The following LUC7L2 variants were observed in gnomAD, a reference collection of about 807,000 sequenced individuals.
LUC7L2 encodes LUC7 like 2, pre-mRNA splicing factor, also known as putative RNA-binding protein Luc7-like 2.
Under a neutral mutation model 52.8 loss-of-function variants are expected in LUC7L2, and 25 were observed. That is an observed-to-expected ratio of 0.47 (90% confidence interval 0.34 to 0.66). LUC7L2 has a LOEUF of 0.66. Ranked by LOEUF, LUC7L2 falls within the 30% of genes least tolerant of loss-of-function variation. The probability of loss-of-function intolerance (pLI) is 0.01; values close to 1 mark genes in which losing one functional copy is unlikely to be tolerated. For synonymous variants in LUC7L2, 144 were observed against 160.9 expected, an observed-to-expected ratio of 0.89 and a Z score of 0.80; for missense variants, 328 against 497.8, an observed-to-expected ratio of 0.66 and a Z score of 3.25.
At chr7:139,416,040 AATATATATATAT>A (rs66498771) in intron 8 of LUC7L2, 1,512 of 97,652 alleles carry the variant, frequency 0.015, 33 homozygotes, top group Non-Finnish European at 0.026. Context: ...TGAGGTATAA[AATATATATATAT>A]ATATATATAT....
At chr7:139,372,705 C>T (rs528050510) in intron 1 of LUC7L2, among the ~76,000 whole-genome samples, 8 of 152,016 alleles carry the variant, frequency 5.3e-5, no homozygotes, top group Admixed American at 3.3e-4. Context: ...GTTGGGAGGC[C>T]GAGGTGGGAG....
chr7:139,406,728 T>G (rs544270798), intron 5 of LUC7L2, among the ~76,000 whole-genome samples: 1 of 152,304 alleles, frequency 6.6e-6, no homozygotes, highest in Admixed American at 6.5e-5. Flanking sequence ...TAAGTTGTAT[T>G]TATTGATATA....
intron 2 of LUC7L2, among the ~76,000 whole-genome samples, chr7:139,385,468 C>A (rs186921173): frequency 1.3e-5 from 2 of 151,864 alleles, no homozygotes; most frequent in Non-Finnish European, 2.9e-5. Flanking sequence ...ACTGCAGGCT[C>A]ATGCCACCAT....
intron 1 of LUC7L2, chr7:139,341,668 G>A: frequency 7.2e-7 from 1 of 1,387,864 alleles, no homozygotes; most frequent in Non-Finnish European, 9.5e-7. Context: ...AACCAACCCA[G>A]GCCCTAGGCT....
At chr7:139,362,767 G>T in intron 1 of LUC7L2, among the ~76,000 whole-genome samples, 1 of 151,918 alleles carries the variant, frequency 6.6e-6, no homozygotes. Context: ...CTGGGGCTTT[G>T]GGAAAACATT....
chr7:139,369,077 CT>C (rs374042147), intron 1 of LUC7L2, among the ~76,000 whole-genome samples: 13 of 151,828 alleles, frequency 8.6e-5, no homozygotes, highest in African/African-American at 3.1e-4. Flanking sequence ...GAGAACTTGT[CT>C]TTTTTAATAG....
chr7:139,383,100 AT>A (rs1311688566), intron 2 of LUC7L2, among the ~76,000 whole-genome samples: 2 of 148,950 alleles, frequency 1.3e-5, no homozygotes, highest in African/African-American at 2.5e-5. Context: ...TAATTTTTGT[AT>A]TTGTATTTTT....
intron 2 of LUC7L2, among the ~76,000 whole-genome samples, chr7:139,391,009 G>A (rs1428057582): frequency 6.6e-6 from 1 of 152,184 alleles, no homozygotes; most frequent in Non-Finnish European, 1.5e-5. Flanking sequence ...ACAAGCTTGT[G>A]TGTTTTAACA....
chr7:139,343,961 C>A (rs1387525807), intron 1 of LUC7L2, among the ~76,000 whole-genome samples: 1 of 143,362 alleles, frequency 7.0e-6, no homozygotes, highest in Non-Finnish European at 1.5e-5. Context: ...TGGTGGGGGG[C>A]GTATTATGTA....
intron 3 of LUC7L2, among the ~76,000 whole-genome samples, chr7:139,399,939 CATACTA>C (rs1219841403): frequency 6.6e-6 from 1 of 151,876 alleles, no homozygotes; most frequent in Non-Finnish European, 1.5e-5. Flanking sequence ...TTACATAAAA[CATACTA>C]ATGTGCATAA....
rs568596143 is a variant in LUC7L2, at chr7:139,422,684, C to G, written c.*344C>G. On this transcript the variant is annotated 3_prime_UTR_variant, in exon 10 of 10. Coordinates refer to ENST00000354926, the MANE Select transcript of LUC7L2 (RefSeq NM_016019.5). ...TAAAATGCTGTCTTCCTAGTCCAAA[C>G]AGCTGCAGCTTTGGGCATTTTTCTT... 9.7e-6 allele frequency: 4 copies of G among 414,220 alleles called. No individual in the cohort carries two copies. The South Asian group carries it at 3.5e-4, about 36-fold the overall frequency. The allele number at this position is 414,220 out of a possible 1,614,324, so 25.7% of individuals were successfully genotyped here.
chr7:139,341,872 G>T (rs1322771012), intron 1 of LUC7L2, among the ~76,000 whole-genome samples: 1 of 152,174 alleles, frequency 6.6e-6, no homozygotes, highest in South Asian at 2.1e-4. Context: ...CAATGAAGAT[G>T]GAGTTGAAGG....
chr7:139,378,098 G>A (rs1313604493), intron 2 of LUC7L2, among the ~76,000 whole-genome samples: 2 of 151,894 alleles, frequency 1.3e-5, no homozygotes, highest in African/African-American at 2.4e-5. Context: ...GATTACAAGC[G>A]TGACCCACTG....
chr7:139,384,114 G>A (rs1472234785), intron 2 of LUC7L2, among the ~76,000 whole-genome samples: 1 of 152,074 alleles, frequency 6.6e-6, no homozygotes, highest in Non-Finnish European at 1.5e-5. Flanking sequence ...TGAAAAATCA[G>A]TCTGTAAATT....
chr7:139,350,198 T>C (rs1799406452), intron 1 of LUC7L2, among the ~76,000 whole-genome samples: 1 of 152,178 alleles, frequency 6.6e-6, no homozygotes, highest in African/African-American at 2.4e-5. Flanking sequence ...CTCTGCTCAC[T>C]GCAAGCTCCG....
Position 139,422,199 on chromosome 7 carries a change from A to G in LUC7L2, c.1038A>G (p.Ala346=). ...AAAGATTCAGAGACCAAGACTTAGC[A>G]TCATGTGACAGAGACAGGAGTTCAA... ...SKERFRDQDL[A]SCDRDRSSRD... is the part of the protein sequence containing the mutation. The change falls in exon 10 of 10, where the codon GCA becomes GCG. Residue 346 remains alanine (A), a synonymous_variant. Coordinates refer to ENST00000354926, the MANE Select transcript of LUC7L2 (RefSeq NM_016019.5). 1 of 1,613,540 alleles carries G rather than the reference A, an allele frequency of 6.2e-7. No homozygotes were observed. The highest frequency in any genetic ancestry group is 8.5e-7 in the Non-Finnish European group (1 of 1,179,856).
At chr7:139,381,364 ATTTTATTTTATTTTTATTTTATT>A (rs1801008451) in intron 2 of LUC7L2, among the ~76,000 whole-genome samples, 1 of 92,690 alleles carries the variant, frequency 1.1e-5, no homozygotes. Flanking sequence ...ATTTTATTTT[ATTTTATTTTATTTTTATTTTATT>A]TTTTATTTTA....
At chr7:139,406,013 C>T (rs1341922381) in intron 5 of LUC7L2, among the ~76,000 whole-genome samples, 1 of 152,164 alleles carries the variant, frequency 6.6e-6, no homozygotes, top group Non-Finnish European at 1.5e-5. Context: ...ATTTTGCAGG[C>T]TAAGGTGGAT....
chr7:139,374,554 A>G (rs1800612094), intron 1 of LUC7L2: 1 of 1,546,718 alleles, frequency 6.5e-7, no homozygotes, highest in East Asian at 2.4e-5. Context: ...GACCATCAAA[A>G]TAACTTTTAT....
Sources: gnomAD v4.1 joint callset for allele counts (sites outside exome capture counted in the v4.1 genomes callset) on GRCh38, gnomAD v4.1.1 for gene constraint, MANE v1.5 for transcripts, NCBI Gene and HGNC (gene_info 2026-07-23, HGNC 2026-07-21) for gene names.